Variants in CLVS1 observed in about 807,000 individuals in gnomAD.
CLVS1 encodes the protein clavesin-1.
In CLVS1, 10 loss-of-function variants were observed where a neutral mutation model predicts 33.1. The ratio of observed to expected loss-of-function variants is 0.30; its 90% confidence interval spans 0.19 to 0.51. CLVS1 has a LOEUF of 0.51. CLVS1 is among the 20% of genes least tolerant of loss of function. The pLI is 0.97. For synonymous variants in CLVS1, 163 were observed against 166.1 expected (o/e 0.98, Z 0.14); for missense variants, 343 against 433.4 (o/e 0.79, Z 1.85).
chr8:61,453,760 AAG>A (rs1000638131), intron 3 of CLVS1, among the ~76,000 whole-genome samples: 3 of 152,144 alleles, frequency 2.0e-5, no homozygotes, highest in African/African-American at 7.2e-5. Flanking sequence ...AATGAGGATA[AAG>A]AGAGAGATCT....
At chr8:61,348,605 C>G (rs1277647825) in intron 2 of CLVS1, among the ~76,000 whole-genome samples, 1 of 151,928 alleles carries the variant, frequency 6.6e-6, no homozygotes, top group African/African-American at 2.4e-5. Flanking sequence ...GCCTCATTTT[C>G]TTTATCAGTT....
At chr8:61,252,285 T>C (rs1319564957) in intron 2 of CLVS1, among the ~76,000 whole-genome samples, 1 of 152,188 alleles carries the variant, frequency 6.6e-6, no homozygotes, top group Admixed American at 6.5e-5. Flanking sequence ...TGAGAGACTG[T>C]TTGTTATGAT....
At chr8:61,203,544 T>A (rs1807781740) in intron 2 of CLVS1, among the ~76,000 whole-genome samples, 2 of 149,968 alleles carry the variant, frequency 1.3e-5, no homozygotes, top group African/African-American at 2.4e-5. Context: ...TTTAATAAAG[T>A]AAAAAAAAAA....
At chr8:61,082,394 G>C (rs1244331734) in intron 1 of CLVS1, among the ~76,000 whole-genome samples, 1 of 152,046 alleles carries the variant, frequency 6.6e-6, no homozygotes, top group East Asian at 1.9e-4. Context: ...AATAATGACT[G>C]AGAATTTTCT....
At chr8:61,230,880 G>T (rs904009365) in intron 2 of CLVS1, among the ~76,000 whole-genome samples, 3 of 152,150 alleles carry the variant, frequency 2.0e-5, no homozygotes, top group Non-Finnish European at 4.4e-5. Flanking sequence ...GTTCATAAAT[G>T]TCACCTTTTT....
chr8:61,277,775 C>T (rs576507060), intron 2 of CLVS1, among the ~76,000 whole-genome samples: 6 of 151,998 alleles, frequency 3.9e-5, no homozygotes, highest in African/African-American at 1.2e-4. Context: ...ACCCCTGACA[C>T]GAAAGACAGA....
In CLVS1 at chr8:61,240,894, G is replaced by GTTTTTTTTTTTTTTTT. The variant is rs549955338; in HGVS notation, c.-151-58781_-151-58766dup. 6.8e-4 allele frequency among the ~76,000 whole-genome samples: 89 copies of GTTTTTTTTTTTTTTTT among 130,606 alleles called. 3 individuals are homozygous for GTTTTTTTTTTTTTTTT. The highest frequency in any genetic ancestry group is 2.5e-3 in the African/African-American group (80 of 31,520). 85.7% of individuals were successfully genotyped at this position (130,606 alleles called of 152,430 possible). ...CTAAAATGAATGATGTTTGCTGTAG[G>GTTTTTTTTTTTTTTTT]TTTTTTTTTTTTTTTTTAAAATAGA... On this transcript the variant is annotated intron_variant, in intron 2 of 2. Transcript: ENST00000522621.
rs747638722 is a variant in CLVS1, at chr8:61,123,072, C to A, written c.-242-8698C>A. On this transcript the variant is annotated intron_variant, in intron 1 of 2. Coordinates refer to the CLVS1 transcript ENST00000522621. ...ATCACCTGAGGTCGGGAGTTCAAGA[C>A]CAGCCTGACCAGCATGGAGAAAACC... 1.7e-4 allele frequency among the ~76,000 whole-genome samples: 24 copies of A among 143,062 alleles called. 5 individuals are homozygous for A. The highest frequency in any genetic ancestry group is 3.1e-4 in the Non-Finnish European group (20 of 65,020). 93.9% of individuals were successfully genotyped at this position (143,062 alleles called of 152,430 possible).
intron 3 of CLVS1, among the ~76,000 whole-genome samples, chr8:61,407,713 C>T (rs1413987428): frequency 6.6e-6 from 1 of 152,072 alleles, no homozygotes; most frequent in African/African-American, 2.4e-5. Context: ...CCTTATAATG[C>T]ATATTGAAGC....
At chr8:61,083,940 T>G (rs1049399285) in intron 1 of CLVS1, among the ~76,000 whole-genome samples, 1 of 152,168 alleles carries the variant, frequency 6.6e-6, no homozygotes, top group Non-Finnish European at 1.5e-5. Flanking sequence ...TCCTGACCCC[T>G]AATGATAAAA....
rs1484461997 is a variant in CLVS1, at chr8:61,296,659, AT to A, written c.-151-3015del. ...ATTAATCAATCAGCCACAACATCTC[AT>A]TTAAGGATAAACTGTCCTGGAGGTA... On this transcript the variant is annotated intron_variant, in intron 1 of 5. Coordinates refer to ENST00000325897, the MANE Select transcript of CLVS1 (RefSeq NM_173519.3). Among the ~76,000 whole-genome samples, 9 of 152,314 alleles carry A rather than the reference AT, an allele frequency of 5.9e-5. No homozygotes were observed. In the East Asian group the frequency reaches 1.7e-3, roughly 29 times the overall value.
chr8:61,291,355 C>G (rs1161584040), intron 1 of CLVS1, among the ~76,000 whole-genome samples: 1 of 152,178 alleles, frequency 6.6e-6, no homozygotes, highest in Non-Finnish European at 1.5e-5. Flanking sequence ...TTCTAGGATG[C>G]TTGTAGCCAA....
chr8:60,981,011 C>T, the CLVS1 span, among the ~76,000 whole-genome samples: 1 of 152,180 alleles, frequency 6.6e-6, no homozygotes, highest in Non-Finnish European at 1.5e-5. Flanking sequence ...CAGAAACCAC[C>T]AGCAGCTGGA....
At chr8:61,101,996 C>A (rs541459615) in intron 1 of CLVS1, among the ~76,000 whole-genome samples, 1 of 152,078 alleles carries the variant, frequency 6.6e-6, no homozygotes, top group African/African-American at 2.4e-5. Flanking sequence ...ATTAATGTAG[C>A]TTTGTAATAA....
intron 1 of CLVS1, among the ~76,000 whole-genome samples, chr8:61,115,661 G>A (rs1401456470): frequency 6.6e-6 from 1 of 151,652 alleles, no homozygotes; most frequent in Non-Finnish European, 1.5e-5. Flanking sequence ...TACTGAGAAT[G>A]ATGTTTTCCA....
intron 3 of CLVS1, among the ~76,000 whole-genome samples, chr8:61,446,090 G>C (rs1478455963): frequency 1.3e-5 from 2 of 151,820 alleles, no homozygotes; most frequent in African/African-American, 2.4e-5. Context: ...TAATTTTATT[G>C]ATCTTTTCAA....
chr8:61,269,515 C>A (rs1809387391), intron 2 of CLVS1, among the ~76,000 whole-genome samples: 1 of 151,854 alleles, frequency 6.6e-6, no homozygotes, highest in Non-Finnish European at 1.5e-5. Context: ...TTTTTGGTTC[C>A]ATATGAACTT....
At chr8:61,457,630 A>G (rs1174744629) in intron 4 of CLVS1, among the ~76,000 whole-genome samples, 1 of 152,088 alleles carries the variant, frequency 6.6e-6, no homozygotes, top group Non-Finnish European at 1.5e-5. Context: ...TTAAATAAGA[A>G]TTGATTTTCT....
chr8:61,049,426 T>C, the CLVS1 span, among the ~76,000 whole-genome samples: 1 of 152,230 alleles, frequency 6.6e-6, no homozygotes, highest in East Asian at 1.9e-4. Context: ...TCTCAACCAA[T>C]ATACAGAGAG....
Sources: allele counts gnomAD v4.1 joint callset (sites outside exome capture counted in the v4.1 genomes callset), GRCh38; gene constraint gnomAD v4.1.1; transcripts MANE v1.5; gene names NCBI Gene and HGNC (gene_info 2026-07-23, HGNC 2026-07-21).